The following PSME4 variants were observed in gnomAD, a reference collection of about 807,000 sequenced individuals.
PSME4 encodes the protein proteasome activator subunit 4.
PSME4 carries 89 observed loss-of-function variants against 253.9 expected under a neutral mutation model. The observed-to-expected ratio is 0.35, with a 90% CI of 0.30 to 0.42. The LOEUF (loss-of-function observed/expected upper bound fraction) is 0.42, where lower values mean the gene tolerates loss of function less well. Ranked by LOEUF, PSME4 falls within the 10% of genes least tolerant of loss-of-function variation. The pLI, the probability that PSME4 is intolerant of heterozygous loss-of-function variation, is 1.00. For missense variants in PSME4, 2,014 were observed against 2,195.2 expected (o/e 0.92, Z 1.65); for synonymous variants, 851 against 759.2 (o/e 1.12, Z -1.99).
chr2:53,943,144 G>C (rs772808467), intron 3 of PSME4, among the ~76,000 whole-genome samples: 1 of 152,196 alleles, frequency 6.6e-6, no homozygotes, highest in Admixed American at 6.5e-5. Flanking sequence ...TTCAAGATGA[G>C]AGTAAACTAG....
intron 1 of PSME4, among the ~76,000 whole-genome samples, chr2:53,956,114 C>G (rs1670226755): frequency 6.6e-6 from 1 of 152,200 alleles, no homozygotes; most frequent in South Asian, 2.1e-4. Context: ...AAAACCACAT[C>G]TCTACAAAAA....
intron 18 of PSME4, 104 bp downstream of exon 18, chr2:53,920,785 C>A: frequency 1.0e-6 from 1 of 958,146 alleles, no homozygotes; most frequent in Non-Finnish European, 1.6e-6. Context: ...AATAATCTAT[C>A]TTAAAAGTAA....
At chr2:53,918,611 C>A (rs1273183454) in intron 20 of PSME4, among the ~76,000 whole-genome samples, 1 of 152,076 alleles carries the variant, frequency 6.6e-6, no homozygotes, top group Non-Finnish European at 1.5e-5. Context: ...CCGCACTGGG[C>A]CTCTGCTGAT....
At position 53,909,378 on chromosome 2, in the gene PSME4, C is replaced by A. The variant is rs146248067; in HGVS notation, c.2573-538G>T. 4.2e-3 allele frequency among the ~76,000 whole-genome samples: 644 copies of A among 152,102 alleles called. 7 individuals carry two copies. Among genetic ancestry groups the A allele is most frequent in the African/African-American group, 0.015 (617 of 41,482 alleles). On this transcript the variant is annotated intron_variant, in intron 21 of 46. Coordinates refer to ENST00000404125, the MANE Select transcript of PSME4 (RefSeq NM_014614.3). ...AAATGTTATTATAAAACTTAATTTA[C>A]TATGATAGGAAGGTATAAAGTTTTT...
intron 13 of PSME4, 103 bp downstream of exon 13, chr2:53,925,856 T>C: frequency 2.3e-6 from 3 of 1,295,766 alleles, no homozygotes; most frequent in Admixed American, 3.8e-5. Flanking sequence ...GCACCAGTAG[T>C]AGCTAAATAA....
At position 53,928,244 on chromosome 2, in the gene PSME4, C is replaced by G. The variant is rs1405119419; in HGVS notation, c.1376G>C (p.Cys459Ser). 6.2e-7 allele frequency: 1 copy of G among 1,614,178 alleles called. No individual in the cohort carries two copies. ...EPHQLTATLSCVIGVARSLVS... is the reference protein window; with the variant it reads ...EPHQLTATLSSVIGVARSLVS... ...CAAACTGCGGGCTACTCCAATTACACAACTTAAAGTAGCTGTGAGCTGGTG... is the reference window on the plus strand; with the variant it reads ...CAAACTGCGGGCTACTCCAATTACAGAACTTAAAGTAGCTGTGAGCTGGTG... Residue 459 changes from cysteine to serine, a missense_variant, in exon 11 of 47, where the codon TGT becomes TCT. Cys to Ser is a moderately radical substitution (Grantham distance 112). This residue lies in a region of PSME4 where 615 missense variants were observed against 594.4 expected (regional missense o/e 1.03). Transcript: ENST00000404125.
chr2:53,924,649 G>A (rs564875764), intron 14 of PSME4, among the ~76,000 whole-genome samples: 1 of 151,870 alleles, frequency 6.6e-6, no homozygotes, highest in South Asian at 2.1e-4. Flanking sequence ...TATACTTTAA[G>A]TTCTAGGGTA....
chr2:53,910,411 A>G lies in PSME4; in HGVS notation c.2517-281T>C, dbSNP rs546481390. Among the ~76,000 whole-genome samples, 3 of 152,372 alleles carry G rather than the reference A, an allele frequency of 2.0e-5. No individual in the cohort carries two copies. The East Asian group carries it at 5.8e-4, about 29-fold the overall frequency. Reference sequence around the variant, plus strand: ...ATCCAATACTCAAATGTAAAAGATTAAATATGATAAACCTTTACATAAAGA... The same window carrying G: ...ATCCAATACTCAAATGTAAAAGATTGAATATGATAAACCTTTACATAAAGA... On this transcript the variant is annotated intron_variant, in intron 20 of 46. Coordinates refer to ENST00000404125, the MANE Select transcript of PSME4 (RefSeq NM_014614.3).
At chr2:53,930,847 A>C (rs2104459070) in intron 10 of PSME4, among the ~76,000 whole-genome samples, 1 of 152,342 alleles carries the variant, frequency 6.6e-6, no homozygotes, top group South Asian at 2.1e-4. Flanking sequence ...TGGGTTCTAA[A>C]AACTAACATT....
rs1678756634 is a variant in PSME4, at chr2:53,869,384, G to C, written c.5255C>G (p.Pro1752Arg). The change falls in exon 44 of 47, where the codon CCT becomes CGT. Residue 1752 changes from proline (P) to arginine (R), a missense_variant. Coordinates refer to ENST00000404125, the MANE Select transcript of PSME4 (RefSeq NM_014614.3). ...CCTACCAGCAATGTTACCTGCAGAA[G>C]GAATGGTATCTCCTACAGAACCAGG... ...RDPGSVGDTI[P>R]SAELVKRHAG... 2 of 1,604,862 alleles carry C rather than the reference G, an allele frequency of 1.2e-6. No individual in the cohort carries two copies. The highest frequency in any genetic ancestry group is 8.5e-7 in the Non-Finnish European group (1 of 1,173,498).
intron 20 of PSME4, among the ~76,000 whole-genome samples, chr2:53,917,834 T>A (rs1216332191): frequency 1.3e-5 from 2 of 152,202 alleles, no homozygotes; most frequent in African/African-American, 4.8e-5. Flanking sequence ...TCAAAATCAA[T>A]CTTTTTTAAC....
chr2:53,877,695 C>T (rs1422049144), intron 41 of PSME4, among the ~76,000 whole-genome samples: 1 of 152,076 alleles, frequency 6.6e-6, no homozygotes, highest in Non-Finnish European at 1.5e-5. Flanking sequence ...TAAAACTGGA[C>T]CAAAGACAGA....
Position 53,936,803 on chromosome 2 carries a change from G to T in PSME4, c.720C>A (p.Gly240=). ...GFKLWFDELI[G]LWVSVQNLPQ... is the part of the protein sequence containing the mutation. ...GGAGATTTTGCACTGAAACCCAAAG[G>T]CCAATTAATTCATCAAACCAAAGTC... Residue 240 remains glycine (G), a synonymous_variant, in exon 6 of 47, where the codon GGC becomes GGA. Coordinates refer to ENST00000404125, the MANE Select transcript of PSME4 (RefSeq NM_014614.3). 2 of 1,596,378 alleles carry T rather than the reference G, an allele frequency of 1.3e-6. No individual in the cohort carries two copies. Among genetic ancestry groups the T allele is most frequent in the African/African-American group, 1.4e-5 (1 of 73,840 alleles).
chr2:53,967,649 CAAAAAAAAA>C lies in PSME4; in HGVS notation c.242+2885_242+2893del, dbSNP rs71408747. On this transcript the variant is annotated intron_variant, in intron 1 of 46. Coordinates refer to ENST00000404125, the MANE Select transcript of PSME4 (RefSeq NM_014614.3). ...TCTGGGCAACAGAGTGAGATTGTCT[CAAAAAAAAA>C]AAAAAAAAAAAAAAAAAAAAAGTCA... Among the ~76,000 whole-genome samples, 155 of 21,554 alleles carry C rather than the reference CAAAAAAAAA, an allele frequency of 7.2e-3. 1 individual carries two copies. Among genetic ancestry groups the C allele is most frequent in the Middle Eastern group, 0.1 (2 of 20 alleles). 14.1% of individuals were successfully genotyped at this position (21,554 alleles called of 152,430 possible).
chr2:53,867,501 G>GAAAAAAAA (rs1223931718), intron 44 of PSME4, among the ~76,000 whole-genome samples: 1 of 113,440 alleles, frequency 8.8e-6, no homozygotes, highest in African/African-American at 3.4e-5. Context: ...TCCGTCTCAA[G>GAAAAAAAA]GAAAAAAAAA....
At chr2:53,968,858 T>C (rs900783925) in intron 1 of PSME4, among the ~76,000 whole-genome samples, 6 of 152,220 alleles carry the variant, frequency 3.9e-5, no homozygotes, top group African/African-American at 1.4e-4. Context: ...TTTACCAAAC[T>C]TGTTAACAAT....
At chr2:53,868,034 A>T (rs1439844709) in intron 44 of PSME4, among the ~76,000 whole-genome samples, 5 of 152,154 alleles carry the variant, frequency 3.3e-5, no homozygotes, top group African/African-American at 4.8e-5. Context: ...TTACATTTGT[A>T]TTTGTGACAC....
chr2:53,914,543 C>T (rs966357028), intron 20 of PSME4, among the ~76,000 whole-genome samples: 3 of 152,170 alleles, frequency 2.0e-5, no homozygotes, highest in Non-Finnish European at 4.4e-5. Context: ...CCCACAATTA[C>T]TTTATTATAT....
chr2:53,939,812 C>T (rs1669301369), intron 4 of PSME4, 144 bp downstream of exon 4: 1 of 580,112 alleles, frequency 1.7e-6, no homozygotes, highest in Admixed American at 3.3e-5. Flanking sequence ...AGTTAATGAA[C>T]TGGAAACGGT....
Sources: gnomAD v4.1 joint callset for allele counts (sites outside exome capture counted in the v4.1 genomes callset) on GRCh38, gnomAD v4.1.1 for gene constraint, gnomAD v4.1.1 regional missense constraint, MANE v1.5 for transcripts, NCBI Gene and HGNC (gene_info 2026-07-23, HGNC 2026-07-21) for gene names.